Variants in PDGFC observed in about 807,000 individuals in gnomAD.
PDGFC encodes the protein platelet-derived growth factor C.
A neutral mutation model predicts 35.5 loss-of-function variants in PDGFC; 12 were observed. That is an observed-to-expected ratio of 0.34 (90% confidence interval 0.22 to 0.55). The LOEUF is 0.55. PDGFC is among the 20% of genes least tolerant of loss of function. The pLI, the probability that PDGFC is intolerant of heterozygous loss-of-function variation, is 0.91. For missense variants in PDGFC, 322 were observed against 412.4 expected (o/e 0.78, Z 1.90); for synonymous variants, 159 against 148.8 (o/e 1.07, Z -0.50).
chr4:156,937,327 C>T (rs1731707159), intron 1 of PDGFC, among the ~76,000 whole-genome samples: 1 of 152,074 alleles, frequency 6.6e-6, no homozygotes, highest in Admixed American at 6.6e-5. Flanking sequence ...CCACCGCAAA[C>T]CCAATATGAG....
chr4:156,825,412 T>C (rs1732417339), intron 2 of PDGFC, among the ~76,000 whole-genome samples: 1 of 149,668 alleles, frequency 6.7e-6, no homozygotes, highest in African/African-American at 2.5e-5. Context: ...ATTCCCAGGC[T>C]GGTGATGCCT....
chr4:156,840,248 T>C (rs1457313201), intron 2 of PDGFC, among the ~76,000 whole-genome samples: 1 of 152,004 alleles, frequency 6.6e-6, no homozygotes, highest in Non-Finnish European at 1.5e-5. Flanking sequence ...AGGCCCAGGG[T>C]CTCCATGCTG....
chr4:156,914,897 G>C (rs1282445415), intron 1 of PDGFC, among the ~76,000 whole-genome samples: 2 of 144,544 alleles, frequency 1.4e-5, no homozygotes, highest in African/African-American at 2.6e-5. Context: ...CAATACCCAG[G>C]ATTGGATAAA....
chr4:156,811,137 T>C, intron 2 of PDGFC, 120 bp from the exon 3 acceptor site: 1 of 496,562 alleles, frequency 2.0e-6, no homozygotes, highest in East Asian at 3.4e-5. Context: ...ATCCAAAATT[T>C]AACCGGGAAC....
chr4:156,811,450 C>CACTTCAT (rs1731930320), intron 2 of PDGFC, among the ~76,000 whole-genome samples: 1 of 152,040 alleles, frequency 6.6e-6, no homozygotes, highest in Admixed American at 6.6e-5. Context: ...CTTTCCTCAT[C>CACTTCAT]TGTGATGCAA....
intron 1 of PDGFC, among the ~76,000 whole-genome samples, chr4:156,894,282 T>G (rs1035470971): frequency 1.3e-5 from 2 of 152,198 alleles, no homozygotes; most frequent in Non-Finnish European, 2.9e-5. Context: ...AATTATAGTC[T>G]AAATACATAA....
intron 3 of PDGFC, among the ~76,000 whole-genome samples, chr4:156,802,125 G>A (rs543903249): frequency 5.9e-5 from 9 of 151,936 alleles, no homozygotes; most frequent in East Asian, 1.9e-4. Flanking sequence ...CAAATTCATC[G>A]TTGGAGAAAG....
chr4:156,802,794 C>A (rs1235182773), intron 3 of PDGFC, among the ~76,000 whole-genome samples: 1 of 152,088 alleles, frequency 6.6e-6, no homozygotes, highest in Non-Finnish European at 1.5e-5. Context: ...CATCCACAGG[C>A]ACAGAATGTC....
At chr4:156,962,597 G>A (rs772536994) in intron 1 of PDGFC, among the ~76,000 whole-genome samples, 18 of 152,148 alleles carry the variant, frequency 1.2e-4, no homozygotes, top group Admixed American at 1.3e-4. Context: ...AAGAGCAGAT[G>A]CTCATACATA....
At chr4:156,811,438 C>T (rs533400585) in intron 2 of PDGFC, among the ~76,000 whole-genome samples, 79 of 152,144 alleles carry the variant, frequency 5.2e-4, no homozygotes, top group African/African-American at 1.9e-3. Flanking sequence ...GGGGCCTTGG[C>T]TCTTTCCTCA....
chr4:156,887,144 C>T (rs1296054854), intron 1 of PDGFC, among the ~76,000 whole-genome samples: 1 of 152,046 alleles, frequency 6.6e-6, no homozygotes, highest in African/African-American at 2.4e-5. Context: ...GAAGATGATA[C>T]TTCATTAAGA....
At chr4:156,776,085 C>T (rs1364100950) in intron 3 of PDGFC, among the ~76,000 whole-genome samples, 2 of 151,566 alleles carry the variant, frequency 1.3e-5, no homozygotes, top group East Asian at 1.9e-4. Flanking sequence ...TAAAGGGACT[C>T]TCAGAGAGAA....
chr4:156,765,412 A>G (rs1730497019), intron 5 of PDGFC, among the ~76,000 whole-genome samples: 1 of 152,182 alleles, frequency 6.6e-6, no homozygotes, highest in South Asian at 2.1e-4. Flanking sequence ...GAGATTGTGG[A>G]AGATAGTAGA....
chr4:156,875,729 C>T (rs1362226531), intron 1 of PDGFC, among the ~76,000 whole-genome samples: 1 of 151,992 alleles, frequency 6.6e-6, no homozygotes, highest in Admixed American at 6.6e-5. Context: ...AACAGACTGG[C>T]CAACATGGTG....
chr4:156,914,830 T>G (rs1347337113), intron 1 of PDGFC, among the ~76,000 whole-genome samples: 1 of 152,116 alleles, frequency 6.6e-6, no homozygotes, highest in Non-Finnish European at 1.5e-5. Flanking sequence ...AACAAAGCAC[T>G]AAGAACCTGA....
chr4:156,944,114 T>C (rs1489102276), intron 1 of PDGFC, among the ~76,000 whole-genome samples: 1 of 152,158 alleles, frequency 6.6e-6, no homozygotes, highest in Non-Finnish European at 1.5e-5. Context: ...ATTAAAGGCA[T>C]GTGCCATGGA....
At chr4:156,921,969 A>G (rs369774633) in intron 1 of PDGFC, among the ~76,000 whole-genome samples, 2 of 152,312 alleles carry the variant, frequency 1.3e-5, no homozygotes, top group East Asian at 3.9e-4. Context: ...AAACTGCTTA[A>G]TTGTGCAAAT....
At chr4:156,958,808 A>G (rs941411084) in intron 1 of PDGFC, among the ~76,000 whole-genome samples, 1 of 152,084 alleles carries the variant, frequency 6.6e-6, no homozygotes, top group African/African-American at 2.4e-5. Flanking sequence ...CTAATGCAAT[A>G]AAGTGGCTCT....
chr4:156,861,256 C>T (rs1319169696), intron 1 of PDGFC, among the ~76,000 whole-genome samples: 1 of 152,096 alleles, frequency 6.6e-6, no homozygotes, highest in Non-Finnish European at 1.5e-5. Context: ...GGAAGGCATT[C>T]ACATTCACAC....
Sources: allele counts gnomAD v4.1 joint callset (sites outside exome capture counted in the v4.1 genomes callset), GRCh38; gene constraint gnomAD v4.1.1; transcripts MANE v1.5; gene names NCBI Gene and HGNC (gene_info 2026-07-23, HGNC 2026-07-21).